Variants in MCOLN2 observed in about 807,000 individuals in gnomAD.
The protein encoded by MCOLN2 is mucolipin-2.
MCOLN2 carries 57 observed loss-of-function variants against 67.5 expected under a neutral mutation model. That is an observed-to-expected ratio of 0.84 (90% CI 0.68 to 1.05). MCOLN2 has a LOEUF of 1.05. MCOLN2 is among the 50% of genes least tolerant of loss of function. MCOLN2 has a pLI of 0.00. For missense variants in MCOLN2, 620 were observed against 678.8 expected (o/e 0.91, Z 0.96); for synonymous variants, 246 against 233.3 (o/e 1.05, Z -0.50).
At chr1:84,928,152 C>T (rs996277401) in intron 13 of MCOLN2, among the ~76,000 whole-genome samples, 1 of 152,192 alleles carries the variant, frequency 6.6e-6, no homozygotes, top group African/African-American at 2.4e-5. Flanking sequence ...AACATAGTTA[C>T]AGCTACCTGT....
At chr1:84,990,297 C>CA (rs34226507) in intron 1 of MCOLN2, among the ~76,000 whole-genome samples, 1,529 of 34,986 alleles carry the variant, frequency 0.044, 311 homozygotes, top group African/African-American at 0.09. Flanking sequence ...GACTCCATCT[C>CA]AAAAAAAAAA....
chr1:84,953,542 C>A (rs1322064266), intron 4 of MCOLN2, among the ~76,000 whole-genome samples: 1 of 125,794 alleles, frequency 7.9e-6, no homozygotes, highest in African/African-American at 3.2e-5. Flanking sequence ...AAGAACGAAA[C>A]TCTATCTCAA....
chr1:84,929,703 T>C, intron 12 of MCOLN2, 24 bp from the exon 13 acceptor site: 2 of 1,600,262 alleles, frequency 1.2e-6, no homozygotes, highest in Admixed American at 1.7e-5. Flanking sequence ...ACAATGTTGT[T>C]ACCTTATTTA....
chr1:84,927,086 A>T (rs1278835009), intron 13 of MCOLN2, among the ~76,000 whole-genome samples: 1 of 151,988 alleles, frequency 6.6e-6, no homozygotes, highest in East Asian at 1.9e-4. Flanking sequence ...ACAAATACTT[A>T]ATGCATGCAG....
intron 7 of MCOLN2, among the ~76,000 whole-genome samples, chr1:84,941,500 A>G (rs1398661888): frequency 6.6e-6 from 1 of 151,792 alleles, no homozygotes; most frequent in Admixed American, 6.6e-5. Flanking sequence ...CTGTCTCAAA[A>G]CAAAAAACAA....
chr1:84,954,308 T>G (rs1648667307), intron 4 of MCOLN2, among the ~76,000 whole-genome samples: 1 of 152,232 alleles, frequency 6.6e-6, no homozygotes, highest in African/African-American at 2.4e-5. Context: ...GATGGAGTAT[T>G]ACACAACTCA....
At chr1:84,958,500 G>A (rs1648906231) in intron 3 of MCOLN2, 29 bp downstream of exon 3, 4 of 1,569,098 alleles carry the variant, frequency 2.5e-6, no homozygotes, top group Non-Finnish European at 3.4e-6. Flanking sequence ...CATTGTTAAA[G>A]TATAGGTCAT....
At chr1:84,983,413 T>G (rs2102881142) in intron 1 of MCOLN2, among the ~76,000 whole-genome samples, 1 of 151,928 alleles carries the variant, frequency 6.6e-6, no homozygotes, top group East Asian at 1.9e-4. Context: ...GGACCATAGG[T>G]GTATGCTGCC....
In MCOLN2 at chr1:84,949,589, G is replaced by A. The variant is rs375182968; in HGVS notation, c.748-2457C>T. 9.9e-5 allele frequency among the ~76,000 whole-genome samples: 15 copies of A among 152,208 alleles called. No individual in the cohort carries two copies. In the East Asian group the frequency reaches 1.5e-3, roughly 16 times the overall value. On this transcript the variant is annotated intron_variant, in intron 6 of 13. Coordinates refer to ENST00000370608, the MANE Select transcript of MCOLN2 (RefSeq NM_153259.4). ...CTGGGAGGCAGAGCTTGCAGTGAGC[G>A]GAGATTGTGCCACTGCATGCACTCC... is the stretch of plus-strand genomic sequence containing the variant.
chr1:84,996,931 C>T lies in MCOLN2; in HGVS notation c.-59G>A. ...GATTCGGAACAGGAAACACCGTTCA[C>T]GGCCGACTCATTTCGCCCTCGCCGT... is the stretch of plus-strand genomic sequence containing the variant. On this transcript the variant is annotated 5_prime_UTR_variant, in exon 1 of 14. It adds an upstream start codon to the 5' untranslated region. Transcript: ENST00000370608. 4 of 1,471,918 alleles carry T rather than the reference C, an allele frequency of 2.7e-6. No homozygotes were observed. Among genetic ancestry groups the T allele is most frequent in the Non-Finnish European group, 3.8e-6 (4 of 1,053,896 alleles). 91.2% of individuals were successfully genotyped at this position (1,471,918 alleles called of 1,614,324 possible).
chr1:84,931,069 T>C (rs768242533), intron 12 of MCOLN2, among the ~76,000 whole-genome samples: 2 of 152,168 alleles, frequency 1.3e-5, no homozygotes, highest in African/African-American at 2.4e-5. Context: ...GCAGCCACAC[T>C]GGCAGGTATA....
intron 1 of MCOLN2, among the ~76,000 whole-genome samples, chr1:84,996,161 T>TGATG (rs1393501566): frequency 6.6e-6 from 1 of 151,982 alleles, no homozygotes; most frequent in Non-Finnish European, 1.5e-5. Flanking sequence ...ATCACAAAGG[T>TGATG]GATGAGCAGC....
At position 84,996,946 on chromosome 1, in the gene MCOLN2, G is replaced by T; in HGVS notation, c.-74C>A. ...ACACCGTTCACGGCCGACTCATTTC[G>T]CCCTCGCCGTAACGCGTCCGCCGAA... On this transcript the variant is annotated 5_prime_UTR_variant, in exon 1 of 14. Transcript: ENST00000370608. 1 of 1,382,820 alleles carries T rather than the reference G, an allele frequency of 7.2e-7. No homozygotes were observed. Among genetic ancestry groups the T allele is most frequent in the Non-Finnish European group, 1.0e-6 (1 of 976,000 alleles). 85.7% of individuals were successfully genotyped at this position (1,382,820 alleles called of 1,614,324 possible). A position where few individuals can be genotyped will look rare whatever the true frequency, so the allele number is the denominator to read the frequency against.
chr1:84,996,393 CATATATATATATATATAT>C lies in MCOLN2; in HGVS notation c.77+385_77+402del, dbSNP rs6143310. Among the ~76,000 whole-genome samples, 455 of 123,948 alleles carry C rather than the reference CATATATATATATATATAT, an allele frequency of 3.7e-3. 5 individuals carry two copies. The highest frequency in any genetic ancestry group is 0.019 in the South Asian group (78 of 4,042). 81.3% of individuals were successfully genotyped at this position (123,948 alleles called of 152,430 possible). Reference sequence around the variant, plus strand: ...CACACTTACACATACGTATATATTTCATATATATATATATATATATATATATATATATATATATGTTTG... The same window carrying C: ...CACACTTACACATACGTATATATTTCATATATATATATATATATATGTTTG... On this transcript the variant is annotated intron_variant, in intron 1 of 13. Coordinates refer to ENST00000370608, the MANE Select transcript of MCOLN2 (RefSeq NM_153259.4).
rs1231530000 is a variant in MCOLN2, at chr1:84,937,611, A to C, written c.1335+144T>G. The stretch of plus-strand genomic sequence containing the variant: ...TCTATATCCTGAAAAGGAAAAAAAG[A>C]AAAAGAAAACTGATACAAAGATATG... On this transcript the variant is annotated intron_variant, in intron 11 of 13. Coordinates refer to ENST00000370608, the MANE Select transcript of MCOLN2 (RefSeq NM_153259.4). 5 of 1,432,452 alleles carry C rather than the reference A, an allele frequency of 3.5e-6. No homozygotes were observed. The East Asian group carries it at 1.2e-4, about 35-fold the overall frequency. 88.7% of individuals were successfully genotyped at this position (1,432,452 alleles called of 1,614,324 possible).
In MCOLN2 at chr1:84,941,279, G is replaced by A. The variant is rs866227088; in HGVS notation, c.848-288C>T. Among the ~76,000 whole-genome samples, 11 of 152,158 alleles carry A rather than the reference G, an allele frequency of 7.2e-5. No homozygotes were observed. The South Asian group carries it at 2.1e-3, about 29-fold the overall frequency. The stretch of plus-strand genomic sequence containing the variant: ...TGGGAGGCTGAGGTGGGCGGATCAC[G>A]AGGTCAGGAGATCAAGACCATCCTG... On this transcript the variant is annotated intron_variant, in intron 7 of 13. Transcript: ENST00000370608.
chr1:84,930,063 G>C (rs995423051), intron 12 of MCOLN2, among the ~76,000 whole-genome samples: 1 of 152,092 alleles, frequency 6.6e-6, no homozygotes, highest in Non-Finnish European at 1.5e-5. Flanking sequence ...AGGAGTTTGA[G>C]ACTGGCCTGG....
intron 4 of MCOLN2, 50 bp downstream of exon 4, chr1:84,956,381 C>T: frequency 3.8e-6 from 6 of 1,580,942 alleles, no homozygotes. Context: ...GGCATTTCTG[C>T]TCTTACCAGA....
intron 1 of MCOLN2, among the ~76,000 whole-genome samples, chr1:84,978,221 G>A (rs1650086400): frequency 6.6e-6 from 1 of 151,862 alleles, no homozygotes; most frequent in African/African-American, 2.4e-5. Context: ...CAAAATCTAA[G>A]AGATACAGCA....
Sources: gnomAD v4.1 joint callset for allele counts (sites outside exome capture counted in the v4.1 genomes callset) on GRCh38, gnomAD v4.1.1 for gene constraint, MANE v1.5 for transcripts, NCBI Gene and HGNC (gene_info 2026-07-23, HGNC 2026-07-21) for gene names.